Variants in SIPA1L1 observed in about 807,000 individuals in gnomAD.
SIPA1L1 encodes the protein signal-induced proliferation-associated 1-like protein 1.
Under a neutral mutation model 162.7 loss-of-function variants are expected in SIPA1L1, and 26 were observed. That is an observed-to-expected ratio of 0.16 (90% CI 0.12 to 0.22). The LOEUF (loss-of-function observed/expected upper bound fraction) is 0.22. Ranked by LOEUF, SIPA1L1 falls within the 10% of genes least tolerant of loss-of-function variation. SIPA1L1 has a pLI of 1.00. For missense variants in SIPA1L1, 1,874 were observed against 2,241.0 expected, an observed-to-expected ratio of 0.84 and a Z score of 3.31; for synonymous variants, 829 against 837.4, an observed-to-expected ratio of 0.99 and a Z score of 0.17.
chr14:71,666,551 G>C (rs2044020839), intron 10 of SIPA1L1, among the ~76,000 whole-genome samples: 1 of 152,136 alleles, frequency 6.6e-6, no homozygotes, highest in South Asian at 2.1e-4. Flanking sequence ...ATAGTAATAA[G>C]TAGTCATAAC....
chr14:71,629,176 G>A (rs1350613385), intron 7 of SIPA1L1, among the ~76,000 whole-genome samples: 2 of 151,978 alleles, frequency 1.3e-5, no homozygotes, highest in African/African-American at 4.8e-5. Flanking sequence ...TGACCTCGTG[G>A]TCCGCCTGCC....
intron 5 of SIPA1L1, among the ~76,000 whole-genome samples, chr14:71,606,243 G>A (rs751621049): frequency 2.0e-5 from 3 of 152,134 alleles, no homozygotes; most frequent in Admixed American, 1.3e-4. Context: ...GGTGATGGCA[G>A]CCCACAACAA....
At chr14:71,677,799 T>C (rs1227415660) in intron 12 of SIPA1L1, among the ~76,000 whole-genome samples, 1 of 152,236 alleles carries the variant, frequency 6.6e-6, no homozygotes, top group African/African-American at 2.4e-5. Flanking sequence ...TGTGGTATTA[T>C]TTCTGAGGGC....
chr14:71,479,246 A>T (rs2048129917), intron 2 of SIPA1L1, among the ~76,000 whole-genome samples: 1 of 152,114 alleles, frequency 6.6e-6, no homozygotes, highest in African/African-American at 2.4e-5. Flanking sequence ...AGGTATTATA[A>T]CTGCATTCAG....
intron 6 of SIPA1L1, among the ~76,000 whole-genome samples, chr14:71,622,334 T>C (rs1020609264): frequency 6.6e-6 from 1 of 152,244 alleles, no homozygotes; most frequent in Non-Finnish European, 1.5e-5. Context: ...CGAGGACTTA[T>C]GAGGACTCCA....
chr14:71,358,152 G>A (rs1393424169), intron 2 of SIPA1L1, among the ~76,000 whole-genome samples: 1 of 152,192 alleles, frequency 6.6e-6, no homozygotes, highest in Non-Finnish European at 1.5e-5. Context: ...ATGAGCCACT[G>A]TGCCCGGCCA....
intron 4 of SIPA1L1, among the ~76,000 whole-genome samples, chr14:71,552,638 C>T (rs904682012): frequency 6.6e-5 from 10 of 151,954 alleles, no homozygotes; most frequent in East Asian, 3.9e-4. Flanking sequence ...CCTTGTGATC[C>T]GCCCGCCTCG....
At chr14:71,711,865 C>T (rs1367249778) in intron 17 of SIPA1L1, among the ~76,000 whole-genome samples, 7 of 152,198 alleles carry the variant, frequency 4.6e-5, no homozygotes, top group Non-Finnish European at 7.3e-5. Context: ...AAGAATGTGG[C>T]CATTCAGGGA....
intron 2 of SIPA1L1, among the ~76,000 whole-genome samples, chr14:71,408,254 T>C (rs984873430): frequency 1.3e-5 from 2 of 152,318 alleles, no homozygotes; most frequent in African/African-American, 4.8e-5. Flanking sequence ...TTCCCAAGTG[T>C]CTGGTCTTTG....
chr14:71,702,571 A>T (rs2082168892), intron 15 of SIPA1L1, 66 bp downstream of exon 15: 1 of 1,403,026 alleles, frequency 7.1e-7, no homozygotes, highest in Non-Finnish European at 9.9e-7. Context: ...CCTCTTGATG[A>T]TGTTATCAAA....
At chr14:71,544,020 T>TACGCACATGTATATACACACGC (rs2054812165) in intron 4 of SIPA1L1, among the ~76,000 whole-genome samples, 1 of 144,994 alleles carries the variant, frequency 6.9e-6, no homozygotes, top group Non-Finnish European at 1.5e-5. Flanking sequence ...TATATACACA[T>TACGCACATGTATATACACACGC]ACGCACATGT....
chr14:71,685,287 T>G, intron 12 of SIPA1L1, 75 bp from the exon 13 acceptor site: 4 of 1,492,398 alleles, frequency 2.7e-6, no homozygotes, highest in Non-Finnish European at 2.8e-6. Flanking sequence ...TAAGTGTTAA[T>G]GAGAATCAAT....
At position 71,681,050 on chromosome 14, in the gene SIPA1L1, G is replaced by A. The variant is rs181956904; in HGVS notation, c.3105-4312G>A. ...TTCCCTTCCCAGCACTTCCGTATCAGCAGCTTCATTTTTATTAAAACAGCG... is the reference window on the plus strand; with the variant it reads ...TTCCCTTCCCAGCACTTCCGTATCAACAGCTTCATTTTTATTAAAACAGCG... On this transcript the variant is annotated intron_variant, in intron 12 of 23. Transcript: ENST00000381232. Among the ~76,000 whole-genome samples, 838 of 152,298 alleles carry A rather than the reference G, an allele frequency of 5.5e-3. 6 individuals carry two copies. The highest frequency in any genetic ancestry group is 9.8e-3 in the Non-Finnish European group (668 of 68,034).
chr14:71,663,481 T>A (rs912318577), intron 10 of SIPA1L1, among the ~76,000 whole-genome samples: 2 of 152,178 alleles, frequency 1.3e-5, no homozygotes, highest in Non-Finnish European at 2.9e-5. Flanking sequence ...TATCCATTTT[T>A]AAATCATATA....
At chr14:71,446,157 T>C (rs1414876335) in intron 2 of SIPA1L1, among the ~76,000 whole-genome samples, 1 of 152,164 alleles carries the variant, frequency 6.6e-6, no homozygotes, top group Non-Finnish European at 1.5e-5. Flanking sequence ...CTCACACTTT[T>C]TGTTTATTTT....
intron 2 of SIPA1L1, among the ~76,000 whole-genome samples, chr14:71,350,090 T>C (rs1489921903): frequency 1.3e-5 from 2 of 152,112 alleles, no homozygotes; most frequent in Non-Finnish European, 2.9e-5. Flanking sequence ...GAAAAAACTT[T>C]TTAGAAGTGG....
intron 22 of SIPA1L1, among the ~76,000 whole-genome samples, chr14:71,737,046 T>C (rs570406380): frequency 6.6e-6 from 1 of 152,326 alleles, no homozygotes; most frequent in South Asian, 2.1e-4. Context: ...TATGCGGTTA[T>C]GGACTGCAGC....
intron 3 of SIPA1L1, among the ~76,000 whole-genome samples, chr14:71,519,627 C>T (rs994302231): frequency 3.3e-5 from 5 of 151,456 alleles, no homozygotes; most frequent in African/African-American, 1.2e-4. Flanking sequence ...GAGTTTGAGA[C>T]CAGCCTGGGC....
intron 2 of SIPA1L1, among the ~76,000 whole-genome samples, chr14:71,354,760 G>A (rs2037080158): frequency 6.6e-6 from 1 of 152,152 alleles, no homozygotes; most frequent in African/African-American, 2.4e-5. Flanking sequence ...TCCTAAGCAA[G>A]TTGATTTGCT....
Sources: allele counts gnomAD v4.1 joint callset (sites outside exome capture counted in the v4.1 genomes callset), GRCh38; gene constraint gnomAD v4.1.1; transcripts MANE v1.5; gene names NCBI Gene and HGNC (gene_info 2026-07-23, HGNC 2026-07-21).